Variants in KLHL29 observed in about 807,000 individuals in gnomAD.
KLHL29 encodes the protein kelch-like protein 29.
KLHL29 carries 21 observed loss-of-function variants against 80.4 expected under a neutral mutation model. The ratio of observed to expected loss-of-function variants is 0.26; its 90% CI spans 0.19 to 0.38. The LOEUF (loss-of-function observed/expected upper bound fraction) is 0.38. KLHL29 is among the 10% of genes least tolerant of loss of function. The pLI is 1.00. For synonymous variants in KLHL29, 511 were observed against 526.8 expected (o/e 0.97, Z 0.41); for missense variants, 867 against 1,223.9 (o/e 0.71, Z 4.35).
chr2:23,444,143 C>A (rs1363417827), intron 1 of KLHL29, among the ~76,000 whole-genome samples: 1 of 152,060 alleles, frequency 6.6e-6, no homozygotes. Flanking sequence ...AATCCTGGTT[C>A]TTTTTAGTGG....
In KLHL29 at chr2:23,691,824, G is replaced by A. The variant is rs1004621916; in HGVS notation, c.1230G>A (p.Ala410=). 1.4e-5 allele frequency: 22 copies of A among 1,551,466 alleles called. No individual in the cohort carries two copies. Among genetic ancestry groups the A allele is most frequent in the Admixed American group, 3.9e-5 (2 of 50,990 alleles). The change falls in exon 7 of 14, where the codon GCG becomes GCA. Residue 410 remains alanine, a synonymous_variant. Coordinates refer to ENST00000486442, the MANE Select transcript of KLHL29 (RefSeq NM_052920.2). ...CCAACGCCAAGACACTGCTGGAGGCGGCCAGCAAGTTCCAGTTCCACACCT... is the reference window on the plus strand; with the variant it reads ...CCAACGCCAAGACACTGCTGGAGGCAGCCAGCAAGTTCCAGTTCCACACCT... The part of the protein sequence containing the change: ...DSANAKTLLE[A]ASKFQFHTFC...
chr2:23,448,558 A>G (rs958011486), intron 1 of KLHL29, among the ~76,000 whole-genome samples: 1 of 152,176 alleles, frequency 6.6e-6, no homozygotes. Flanking sequence ...TCCAGGAGTG[A>G]TTCTCAACAG....
intron 1 of KLHL29, among the ~76,000 whole-genome samples, chr2:23,440,301 T>C (rs1177234963): frequency 6.6e-6 from 1 of 151,800 alleles, no homozygotes; most frequent in African/African-American, 2.4e-5. Context: ...CTGGATCCCT[T>C]CCTTACACCT....
At chr2:23,703,666 G>A (rs986256682) in intron 12 of KLHL29, 53 bp from the exon 13 acceptor site, 3 of 1,485,800 alleles carry the variant, frequency 2.0e-6, no homozygotes, top group African/African-American at 2.8e-5. Context: ...AAGAAAAGGA[G>A]AGGGAAGTCC....
At chr2:23,431,040 G>A (rs6727901) in intron 1 of KLHL29, among the ~76,000 whole-genome samples, 8 of 152,058 alleles carry the variant, frequency 5.3e-5, no homozygotes, top group Admixed American at 6.5e-5. Flanking sequence ...TCCTTTCTCC[G>A]TGCTGTGCAG....
intron 5 of KLHL29, among the ~76,000 whole-genome samples, chr2:23,665,371 A>G (rs1019450887): frequency 2.6e-5 from 4 of 152,176 alleles, no homozygotes; most frequent in African/African-American, 9.6e-5. Context: ...TCATACCTGA[A>G]CTGACTTCTG....
intron 3 of KLHL29, among the ~76,000 whole-genome samples, chr2:23,598,969 T>C (rs578134136): frequency 6.6e-6 from 1 of 152,314 alleles, no homozygotes; most frequent in Non-Finnish European, 1.5e-5. Context: ...GAAGCTGCCA[T>C]CGCCCAGCCC....
chr2:23,427,669 A>G (rs1162430493), intron 1 of KLHL29, among the ~76,000 whole-genome samples: 1 of 152,218 alleles, frequency 6.6e-6, no homozygotes, highest in Non-Finnish European at 1.5e-5. Flanking sequence ...GTCACACTCA[A>G]TTGGCTAAAC....
At chr2:23,641,359 C>G (rs1197584771) in intron 4 of KLHL29, among the ~76,000 whole-genome samples, 9 of 152,182 alleles carry the variant, frequency 5.9e-5, no homozygotes, top group Admixed American at 5.2e-4. Flanking sequence ...GCCTGCCCTC[C>G]CCAGCAAGGC....
intron 3 of KLHL29, among the ~76,000 whole-genome samples, chr2:23,626,036 C>A (rs1350330318): frequency 6.6e-6 from 1 of 151,998 alleles, no homozygotes; most frequent in Non-Finnish European, 1.5e-5. Flanking sequence ...TGGTCCCCAA[C>A]GTTTTTGGCA....
At chr2:23,638,959 C>T (rs1669691698) in intron 3 of KLHL29, among the ~76,000 whole-genome samples, 180 bp from the exon 4 acceptor site, 1 of 152,198 alleles carries the variant, frequency 6.6e-6, no homozygotes, top group African/African-American at 2.4e-5. Context: ...GGCAGAACCC[C>T]CTGCAATTCC....
At chr2:23,484,194 C>G (rs1048730580) in intron 2 of KLHL29, among the ~76,000 whole-genome samples, 42 of 152,196 alleles carry the variant, frequency 2.8e-4, no homozygotes, top group African/African-American at 9.9e-4. Flanking sequence ...TGCTCCTAGA[C>G]CACCTGGAGG....
intron 2 of KLHL29, among the ~76,000 whole-genome samples, chr2:23,493,072 C>G (rs1425134166): frequency 6.6e-6 from 1 of 152,238 alleles, no homozygotes; most frequent in Middle Eastern, 3.2e-3. Flanking sequence ...CGTTCCTGCT[C>G]TAACATCTCA....
chr2:23,557,473 G>A (rs1023306189), intron 2 of KLHL29, among the ~76,000 whole-genome samples: 4 of 152,106 alleles, frequency 2.6e-5, no homozygotes, highest in East Asian at 1.9e-4. Flanking sequence ...CTCCAGGCCC[G>A]GAGTCTCCAT....
intron 3 of KLHL29, among the ~76,000 whole-genome samples, chr2:23,598,762 G>A (rs953823288): frequency 1.3e-5 from 2 of 152,234 alleles, no homozygotes; most frequent in Admixed American, 1.3e-4. Context: ...CATCATGCGT[G>A]GCCCCTGGGC....
Position 23,409,423 on chromosome 2 carries a change from G to A in KLHL29, c.-154+23643G>A, listed in dbSNP as rs372482746. On this transcript the variant is annotated intron_variant, in intron 1 of 13. Coordinates refer to ENST00000486442, the MANE Select transcript of KLHL29 (RefSeq NM_052920.2). Reference sequence around the variant, plus strand: ...AATCTCCCCACATCCCCACACAGACGGCTTGTGAATGTTCTGATGGTGTGC... The same window carrying A: ...AATCTCCCCACATCCCCACACAGACAGCTTGTGAATGTTCTGATGGTGTGC... Among the ~76,000 whole-genome samples the A allele has an allele frequency of 9.5e-4, 145 of 152,250 alleles. 4 individuals carry two copies. The South Asian group carries it at 0.029, about 31-fold the overall frequency.
chr2:23,531,159 C>T (rs1709338), intron 2 of KLHL29, among the ~76,000 whole-genome samples: 8,546 of 152,324 alleles, frequency 0.056, 369 homozygotes, highest in African/African-American at 0.12. Context: ...GTCTCCTCCT[C>T]GTCACCTGTA....
chr2:23,425,220 A>AT (rs537352443), intron 1 of KLHL29, among the ~76,000 whole-genome samples: 18 of 152,268 alleles, frequency 1.2e-4, no homozygotes, highest in South Asian at 8.3e-4. Context: ...TGATAAAATG[A>AT]TTTTTTTTAA....
intron 3 of KLHL29, among the ~76,000 whole-genome samples, chr2:23,589,151 T>C (rs189552227): frequency 2.6e-5 from 4 of 152,244 alleles, no homozygotes; most frequent in African/African-American, 9.6e-5. Context: ...AATGGCTGAA[T>C]TGAGGCAGAA....
Sources: allele counts gnomAD v4.1 joint callset (sites outside exome capture counted in the v4.1 genomes callset), GRCh38; gene constraint gnomAD v4.1.1; transcripts MANE v1.5; gene names NCBI Gene and HGNC (gene_info 2026-07-23, HGNC 2026-07-21).